Variants in BRIP1 observed in about 807,000 individuals in gnomAD.
BRIP1 encodes Fanconi anemia group J protein.
Under a neutral mutation model 119.7 loss-of-function variants are expected in BRIP1, and 88 were observed. The observed-to-expected ratio is 0.74, with a 90% confidence interval of 0.62 to 0.88. The LOEUF is 0.88. Among genes scored for constraint, BRIP1 ranks in the 40% least tolerant of loss-of-function variants. The pLI is 0.00. For missense variants in BRIP1, 1,259 were observed against 1,455.4 expected (o/e 0.87, Z 2.20); for synonymous variants, 443 against 496.5 (o/e 0.89, Z 1.43).
At chr17:61,813,454 T>C (rs577715408) in intron 6 of BRIP1, among the ~76,000 whole-genome samples, 10 of 152,054 alleles carry the variant, frequency 6.6e-5, no homozygotes, top group Non-Finnish European at 1.5e-4. Context: ...TGACTAAATG[T>C]CCCTGAACCA....
rs144225880 is a variant in BRIP1 at position 61,756,967 on chromosome 17, C to T, written c.2098-12376G>A. Among the ~76,000 whole-genome samples, 2 of 152,280 alleles carry T rather than the reference C, an allele frequency of 1.3e-5. No homozygotes were observed. Among genetic ancestry groups the T allele is most frequent in the East Asian group, 1.9e-4 (1 of 5,178 alleles). Reference sequence around the variant, plus strand: ...CAGACTACCATCTTTTGTAATCTTACTCACATAATTTATTTCATAAGTAGA... The same window carrying T: ...CAGACTACCATCTTTTGTAATCTTATTCACATAATTTATTTCATAAGTAGA... On this transcript the variant is annotated intron_variant, in intron 14 of 19. Coordinates refer to ENST00000259008, the MANE Select transcript of BRIP1 (RefSeq NM_032043.3). This position sits in a 1 kb window ranked among gnomAD's most constrained non-coding sequence, Gnocchi z 4.3.
chr17:61,839,332 T>C (rs1267639234), intron 6 of BRIP1, among the ~76,000 whole-genome samples: 1 of 151,984 alleles, frequency 6.6e-6, no homozygotes, highest in Non-Finnish European at 1.5e-5. Flanking sequence ...GTACTTATCC[T>C]ATTTTTATGT....
At chr17:61,847,794 G>GA (rs2078756778) in intron 5 of BRIP1, among the ~76,000 whole-genome samples, 1 of 152,048 alleles carries the variant, frequency 6.6e-6, no homozygotes, top group Non-Finnish European at 1.5e-5. Context: ...TCCTATTTGT[G>GA]AAAAATCTAT....
In BRIP1 at chr17:61,703,375, G is replaced by C. The variant is rs1461788403; in HGVS notation, c.2493-9863C>G. On this transcript the variant is annotated intron_variant, in intron 17 of 19. Coordinates refer to ENST00000259008, the MANE Select transcript of BRIP1 (RefSeq NM_032043.3). The surrounding 1 kb of genome is among the most constrained non-coding windows in gnomAD (Gnocchi z 5.0). Reference sequence around the variant, plus strand: ...CCACGCCCAGCCACATTGTGGTTTTGATTTGCATTTCTCTAATGATAGTGT... The same window carrying C: ...CCACGCCCAGCCACATTGTGGTTTTCATTTGCATTTCTCTAATGATAGTGT... Among the ~76,000 whole-genome samples the C allele has an allele frequency of 6.6e-6, 1 of 152,092 alleles. No individual in the cohort carries two copies. Among genetic ancestry groups the C allele is most frequent in the African/African-American group, 2.4e-5 (1 of 41,428 alleles).
intron 3 of BRIP1, among the ~76,000 whole-genome samples, chr17:61,859,074 A>C (rs2078938223): frequency 6.6e-6 from 1 of 151,570 alleles, no homozygotes; most frequent in East Asian, 1.9e-4. Flanking sequence ...AAAAAGGAAA[A>C]GTAGTGGGAA....
chr17:61,753,496 G>T lies in BRIP1; in HGVS notation c.2098-8905C>A, dbSNP rs1292947967. 6.6e-6 allele frequency among the ~76,000 whole-genome samples: 1 copy of T among 151,992 alleles called. No homozygotes were observed. Among genetic ancestry groups the T allele is most frequent in the Non-Finnish European group, 1.5e-5 (1 of 68,000 alleles). On this transcript the variant is annotated intron_variant, in intron 14 of 19. Transcript: ENST00000259008. This position sits in a 1 kb window ranked among gnomAD's most constrained non-coding sequence, Gnocchi z 4.6. ...CAGAATTTAATTATATATTAGGAAAGCATGACAAAAGATAAAACTAAAAAA... is the reference window on the plus strand; with the variant it reads ...CAGAATTTAATTATATATTAGGAAATCATGACAAAAGATAAAACTAAAAAA...
Position 61,751,351 on chromosome 17 carries a change from G to T in BRIP1, c.2098-6760C>A, listed in dbSNP as rs2077128778. On this transcript the variant is annotated intron_variant, in intron 14 of 19. Transcript: ENST00000259008. The surrounding 1 kb of genome is among the most constrained non-coding windows in gnomAD (Gnocchi z 6.7). ...GGGAAGGGGCTAAACAGGAGTCATT[G>T]TTCCATCAGTACAGTTTCTGACTGG... Among the ~76,000 whole-genome samples the T allele has an allele frequency of 6.6e-6, 1 of 152,198 alleles. No homozygotes were observed. The highest frequency in any genetic ancestry group is 2.4e-5 in the African/African-American group (1 of 41,452).
At position 61,752,679 on chromosome 17, in the gene BRIP1, T is replaced by A. The variant is rs756642606; in HGVS notation, c.2098-8088A>T. ...TGCTCTCTGAATAGGCCAATCATCA[T>A]ACTTTTTCTTCATTAATCAGTGAGT... On this transcript the variant is annotated intron_variant, in intron 14 of 19. Transcript: ENST00000259008. This position sits in a 1 kb window ranked among gnomAD's most constrained non-coding sequence, Gnocchi z 6.2. Among the ~76,000 whole-genome samples the A allele has an allele frequency of 6.6e-6, 1 of 152,240 alleles. No individual in the cohort carries two copies. The highest frequency in any genetic ancestry group is 2.4e-5 in the African/African-American group (1 of 41,458).
rs1183858139 is a variant in BRIP1, at chr17:61,768,665, A to G, written c.2097+7736T>C. Among the ~76,000 whole-genome samples, 1 of 152,168 alleles carries G rather than the reference A, an allele frequency of 6.6e-6. No homozygotes were observed. The highest frequency in any genetic ancestry group is 6.6e-5 in the Admixed American group (1 of 15,262). ...CCCTGATAAATTAACCCCTGTGATA[A>G]AAAGTTTATGATAGCCCCTAAGATT... On this transcript the variant is annotated intron_variant, in intron 14 of 19. Transcript: ENST00000259008. This position sits in a 1 kb window ranked among gnomAD's most constrained non-coding sequence, Gnocchi z 5.0.
chr17:61,743,675 TTTTTA>T lies in BRIP1; in HGVS notation c.2258-546_2258-542del, dbSNP rs1036748999. Among the ~76,000 whole-genome samples, 10 of 152,096 alleles carry T rather than the reference TTTTTA, an allele frequency of 6.6e-5. No individual in the cohort carries two copies. The highest frequency in any genetic ancestry group is 1.5e-4 in the Non-Finnish European group (10 of 68,012). ...TACTACTATCCCTTCACATCAAACT[TTTTTA>T]TTTTATTTTATTATTTTTTGTGTGT... is the stretch of plus-strand genomic sequence containing the variant. On this transcript the variant is annotated intron_variant, in intron 15 of 19. Transcript: ENST00000259008. The surrounding 1 kb of genome is among the most constrained non-coding windows in gnomAD (Gnocchi z 4.3).
chr17:61,695,783 A>G lies in BRIP1; in HGVS notation c.2493-2271T>C, dbSNP rs2061511544. ...GTTCATTTTTAGATTTTTGGCTGCT[A>G]GTGAATAAAAATGTCATTGATTTTT... is the stretch of plus-strand genomic sequence containing the variant. On this transcript the variant is annotated intron_variant, in intron 17 of 19. Coordinates refer to ENST00000259008, the MANE Select transcript of BRIP1 (RefSeq NM_032043.3). The surrounding 1 kb of genome is among the most constrained non-coding windows in gnomAD (Gnocchi z 4.3). Among the ~76,000 whole-genome samples, 1 of 152,134 alleles carries G rather than the reference A, an allele frequency of 6.6e-6. No individual in the cohort carries two copies. Among genetic ancestry groups the G allele is most frequent in the Admixed American group, 6.5e-5 (1 of 15,276 alleles).
chr17:61,778,359 A>G lies in BRIP1; in HGVS notation c.1936-1797T>C, dbSNP rs1042344991. ...GGGGGAGAATAGAGAGCTGTTGTTT[A>G]ATGGGAACAGAGTTTCAGTTTTTCA... On this transcript the variant is annotated intron_variant, in intron 13 of 19. Coordinates refer to ENST00000259008, the MANE Select transcript of BRIP1 (RefSeq NM_032043.3). The surrounding 1 kb of genome is among the most constrained non-coding windows in gnomAD (Gnocchi z 4.4). Among the ~76,000 whole-genome samples the G allele has an allele frequency of 6.6e-6, 1 of 152,188 alleles. No individual in the cohort carries two copies. Among genetic ancestry groups the G allele is most frequent in the Non-Finnish European group, 1.5e-5 (1 of 68,038 alleles).
Position 61,815,942 on chromosome 17 carries a change from T to G in BRIP1, c.628-7185A>C, listed in dbSNP as rs995422280. On this transcript the variant is annotated intron_variant, in intron 6 of 19. Transcript: ENST00000259008. The surrounding 1 kb of genome is among the most constrained non-coding windows in gnomAD (Gnocchi z 4.1). ...TACTGAATGCCCGTTGTGCAAAATC[T>G]CACATTAGCACACACTCTAGTAAGA... is the stretch of plus-strand genomic sequence containing the variant. 3.9e-5 allele frequency among the ~76,000 whole-genome samples: 6 copies of G among 152,150 alleles called. No individual in the cohort carries two copies. Among genetic ancestry groups the G allele is most frequent in the African/African-American group, 1.4e-4 (6 of 41,422 alleles).
At chr17:61,715,414 T>C (rs966968369) in intron 17 of BRIP1, among the ~76,000 whole-genome samples, 1 of 152,036 alleles carries the variant, frequency 6.6e-6, no homozygotes. Flanking sequence ...AGAAGCAGAA[T>C]GAAAAATTGT....
chr17:61,723,444 A>T (rs1356336998), intron 16 of BRIP1, among the ~76,000 whole-genome samples: 1 of 152,224 alleles, frequency 6.6e-6, no homozygotes, highest in Non-Finnish European at 1.5e-5. Flanking sequence ...CAAAGAGATT[A>T]GTCTTTGATC....
rs1475200014 is a variant in BRIP1, at chr17:61,848,664, T to C, written c.507+465A>G. 6.6e-6 allele frequency among the ~76,000 whole-genome samples: 1 copy of C among 152,202 alleles called. No homozygotes were observed. Among genetic ancestry groups the C allele is most frequent in the Non-Finnish European group, 1.5e-5 (1 of 68,020 alleles). ...CAAGCCTTTTAGTAATTTTTAGAAATAAATATACATATTTTATCATGTATC... is the reference window on the plus strand; with the variant it reads ...CAAGCCTTTTAGTAATTTTTAGAAACAAATATACATATTTTATCATGTATC... On this transcript the variant is annotated intron_variant, in intron 5 of 19. Transcript: ENST00000259008. This position sits in a 1 kb window ranked among gnomAD's most constrained non-coding sequence, Gnocchi z 4.3.
In BRIP1 at chr17:61,693,548, C is replaced by T. The variant is rs1361355929; in HGVS notation, c.2493-36G>A. On this transcript the variant is annotated intron_variant, in intron 17 of 19. Coordinates refer to ENST00000259008, the MANE Select transcript of BRIP1 (RefSeq NM_032043.3). The surrounding 1 kb of genome is among the most constrained non-coding windows in gnomAD (Gnocchi z 4.2). The stretch of plus-strand genomic sequence containing the variant: ...TAGGGAAAAAGTCAAATAATTATAA[C>T]ATCGGAAATAAATCCAGTTTTCCAG... 4 of 1,538,938 alleles carry T rather than the reference C, an allele frequency of 2.6e-6. No homozygotes were observed. Among genetic ancestry groups the T allele is most frequent in the Non-Finnish European group, 3.6e-6 (4 of 1,112,602 alleles).
In BRIP1 at chr17:61,810,044, G is replaced by T. The variant is rs1325397750; in HGVS notation, c.628-1287C>A. On this transcript the variant is annotated intron_variant, in intron 6 of 19. Coordinates refer to ENST00000259008, the MANE Select transcript of BRIP1 (RefSeq NM_032043.3). This position sits in a 1 kb window ranked among gnomAD's most constrained non-coding sequence, Gnocchi z 4.7. Reference sequence around the variant, plus strand: ...ACCCTTCTGGAGCTGTCACTCACTGGGATAAAAGGTTCACTGATGTGCCAA... The same window carrying T: ...ACCCTTCTGGAGCTGTCACTCACTGTGATAAAAGGTTCACTGATGTGCCAA... Among the ~76,000 whole-genome samples the T allele has an allele frequency of 1.3e-5, 2 of 152,066 alleles. No individual in the cohort carries two copies. Among genetic ancestry groups the T allele is most frequent in the South Asian group, 4.1e-4 (2 of 4,822 alleles).
rs2078488768 is a variant in BRIP1 at position 61,831,265 on chromosome 17, A to G, written c.627+15836T>C. Among the ~76,000 whole-genome samples, 1 of 152,214 alleles carries G rather than the reference A, an allele frequency of 6.6e-6. No individual in the cohort carries two copies. Among genetic ancestry groups the G allele is most frequent in the Non-Finnish European group, 1.5e-5 (1 of 68,032 alleles). On this transcript the variant is annotated intron_variant, in intron 6 of 19. Coordinates refer to ENST00000259008, the MANE Select transcript of BRIP1 (RefSeq NM_032043.3). The surrounding 1 kb of genome is among the most constrained non-coding windows in gnomAD (Gnocchi z 4.1). ...CTCTAATTCAGCCTTGTACTGCATG[A>G]AAGGTAAACACTGTAAAGGAAGAAG...
Sources: allele counts gnomAD v4.1 joint callset (sites outside exome capture counted in the v4.1 genomes callset), GRCh38; gene constraint gnomAD v4.1.1; non-coding constraint Gnocchi (gnomAD v3.1); transcripts MANE v1.5; gene names NCBI Gene and HGNC (gene_info 2026-07-23, HGNC 2026-07-21).